ELMOD2: variants seen among roughly 807,000 people sequenced by gnomAD.
ELMOD2 encodes the protein ELMO domain-containing protein 2.
In ELMOD2, 28 loss-of-function variants were observed where a neutral mutation model predicts 41.0. That is an observed-to-expected ratio of 0.68 (90% CI 0.51 to 0.94). ELMOD2 has a LOEUF of 0.94. Ranked by LOEUF, ELMOD2 falls within the 40% of genes least tolerant of loss-of-function variation. The pLI is 0.00. For synonymous variants in ELMOD2, 106 were observed against 107.2 expected, an observed-to-expected ratio of 0.99 and a Z score of 0.07; for missense variants, 333 against 343.1, an observed-to-expected ratio of 0.97 and a Z score of 0.23.
intron 2 of ELMOD2, chr4:140,526,800 ATGGGT>A (rs1734577983): frequency 6.6e-6 from 1 of 152,246 alleles, no homozygotes; most frequent in South Asian, 2.1e-4. Flanking sequence ...TTCAGGCAGT[ATGGGT>A]TGGTGTTTTA....
At position 140,526,801 on chromosome 4, in the gene ELMOD2, T is replaced by C. The variant is rs2110815988; in HGVS notation, c.143-665T>C. 3 of 152,368 alleles carry C rather than the reference T, an allele frequency of 2.0e-5. No individual in the cohort carries two copies. In the East Asian group the frequency reaches 5.8e-4, roughly 29 times the overall value. The allele number at this position is 152,368 out of a possible 1,614,324, so 9.4% of individuals were successfully genotyped here. ...TGATAAGAAATCTCTTCAGGCAGTA[T>C]GGGTTGGTGTTTTATAGTGTGGGGG... On this transcript the variant is annotated intron_variant, in intron 2 of 8. Transcript: ENST00000323570.
rs944874280 is a variant in ELMOD2 at position 140,552,660 on chromosome 4, A to G, written c.*2285A>G. 1.3e-5 allele frequency: 2 copies of G among 152,134 alleles called. No homozygotes were observed. Among genetic ancestry groups the G allele is most frequent in the Non-Finnish European group, 2.9e-5 (2 of 67,972 alleles). The allele number at this position is 152,134 out of a possible 1,614,324, so 9.4% of individuals were successfully genotyped here. ...CATAGTCTTAAAATCCATATTTAGAATCTTACCTGTTTCTATAATAATTAG... is the reference window on the plus strand; with the variant it reads ...CATAGTCTTAAAATCCATATTTAGAGTCTTACCTGTTTCTATAATAATTAG... On this transcript the variant is annotated 3_prime_UTR_variant, in exon 9 of 9. Transcript: ENST00000323570.
intron 5 of ELMOD2, among the ~76,000 whole-genome samples, chr4:140,538,931 C>T (rs1735018800): frequency 6.6e-6 from 1 of 152,208 alleles, no homozygotes; most frequent in East Asian, 1.9e-4. Flanking sequence ...TACACTGTGG[C>T]TCTCACCACA....
chr4:140,543,453 G>A lies in ELMOD2; in HGVS notation c.603G>A (p.Gly201=). 6.3e-7 allele frequency: 1 copy of A among 1,592,156 alleles called. No individual in the cohort carries two copies. Residue 201 remains glycine, a splice_region_variant and synonymous_variant, in exon 8 of 9, where the codon GGG becomes GGA. Coordinates refer to ENST00000323570, the MANE Select transcript of ELMOD2 (RefSeq NM_153702.4). The part of the protein sequence containing the change: ...ILSRSNHPKL[G]YSYAIVGINL... Reference sequence around the variant, plus strand: ...ATAACTGGTAATGTTTCTGACATAGGTATTCTTATGCAATAGTTGGAATCA... The same window carrying A: ...ATAACTGGTAATGTTTCTGACATAGATATTCTTATGCAATAGTTGGAATCA...
At chr4:140,539,726 AAC>A (rs1172756395) in intron 5 of ELMOD2, among the ~76,000 whole-genome samples, 1 of 152,184 alleles carries the variant, frequency 6.6e-6, no homozygotes, top group Non-Finnish European at 1.5e-5. Flanking sequence ...AAATTTGTAA[AAC>A]AAGTTGGAAT....
rs888391740 is a variant in ELMOD2 at position 140,524,709 on chromosome 4, T to C, written c.-10+429T>C. 4.2e-6 allele frequency: 4 copies of C among 958,000 alleles called. No homozygotes were observed. In the African/African-American group the frequency reaches 7.1e-5, roughly 17 times the overall value. 59.3% of individuals were successfully genotyped at this position (958,000 alleles called of 1,614,324 possible). A position where few individuals can be genotyped will look rare whatever the true frequency, so the allele number is the denominator to read the frequency against. The stretch of plus-strand genomic sequence containing the variant: ...TAAGGCAGGAAGGAGACGAGCAATT[T>C]TGTTTTTAAGTATCTCCCTCTCACT... On this transcript the variant is annotated intron_variant, in intron 1 of 8. Coordinates refer to ENST00000323570, the MANE Select transcript of ELMOD2 (RefSeq NM_153702.4).
chr4:140,533,967 T>C (rs1028745090), intron 3 of ELMOD2, among the ~76,000 whole-genome samples: 2 of 152,156 alleles, frequency 1.3e-5, no homozygotes, highest in African/African-American at 4.8e-5. Flanking sequence ...ACAACACTAA[T>C]GTTGGAAACA....
intron 3 of ELMOD2, among the ~76,000 whole-genome samples, chr4:140,530,038 G>C (rs139808604): frequency 4.3e-4 from 65 of 152,288 alleles, no homozygotes; most frequent in African/African-American, 1.5e-3. Flanking sequence ...GAATGAATAA[G>C]TGAGAAAAAT....
At chr4:140,539,415 G>T (rs1253942452) in intron 5 of ELMOD2, among the ~76,000 whole-genome samples, 1 of 151,182 alleles carries the variant, frequency 6.6e-6, no homozygotes, top group Non-Finnish European at 1.5e-5. Context: ...AGGCTGGAGT[G>T]CAGTGGCGCC....
At chr4:140,541,723 C>T (rs961511858) in intron 6 of ELMOD2, among the ~76,000 whole-genome samples, 1 of 151,992 alleles carries the variant, frequency 6.6e-6, no homozygotes, top group Non-Finnish European at 1.5e-5. Context: ...CATAAATTAT[C>T]ATTAATTCAT....
rs142450830 is a variant in ELMOD2 at position 140,540,196 on chromosome 4, A to C, written c.428A>C (p.Lys143Thr). The C allele has an allele frequency of 1.8e-3, 2,945 of 1,614,188 alleles. 33 individuals carry two copies. The East Asian group carries it at 0.019, about 10-fold the overall frequency. ...TGGAATCTTCTAATGCCCACGAAGA[A>C]GTTAAACGCTAGAATCTCCAAGCAG... ...KLWNLLMPTK[K>T]LNARISKQWA... Residue 143 changes from lysine (K) to threonine (T), a missense_variant, in exon 6 of 9, where the codon AAG becomes ACG. By Grantham distance (78) the Lys-to-Thr change is moderately conservative. Transcript: ENST00000323570.
intron 3 of ELMOD2, among the ~76,000 whole-genome samples, chr4:140,529,747 T>C (rs1378521595): frequency 6.6e-6 from 1 of 152,224 alleles, no homozygotes; most frequent in Non-Finnish European, 1.5e-5. Context: ...TTCCTCATTT[T>C]CAGGTTTTTC....
At chr4:140,524,582 A>C (rs988995260) in intron 1 of ELMOD2, 3 of 985,408 alleles carry the variant, frequency 3.0e-6, no homozygotes, top group Non-Finnish European at 3.6e-6. Flanking sequence ...TGATCAACCC[A>C]GCTGTGCTAT....
chr4:140,535,137 T>TC lies in ELMOD2; in HGVS notation c.172-596_172-595insC, dbSNP rs1560827004. ...CTTTTCTCTGGGGAAATCTGTTTCT[T>TC]TCTCTCTCTCTCTCTCTCTCTCTCT... On this transcript the variant is annotated intron_variant, in intron 3 of 8. Coordinates refer to ENST00000323570, the MANE Select transcript of ELMOD2 (RefSeq NM_153702.4). Among the ~76,000 whole-genome samples the TC allele has an allele frequency of 7.8e-3, 1,101 of 141,482 alleles. 13 individuals are homozygous for TC. The highest frequency in any genetic ancestry group is 0.027 in the East Asian group (134 of 4,896). 92.8% of individuals were successfully genotyped at this position (141,482 alleles called of 152,430 possible).
chr4:140,542,372 A>G (rs1735133840), intron 6 of ELMOD2: 2 of 396,528 alleles, frequency 5.0e-6, no homozygotes, highest in Admixed American at 8.6e-5. Context: ...AATGACCTAT[A>G]TTCTGTACTA....
intron 5 of ELMOD2, 53 bp downstream of exon 5, chr4:140,537,594 A>G: frequency 6.3e-7 from 1 of 1,579,952 alleles, no homozygotes; most frequent in South Asian, 1.2e-5. Context: ...AAAATAAATC[A>G]GGCTTCAGCT....
chr4:140,545,082 A>G (rs143757113), intron 8 of ELMOD2, among the ~76,000 whole-genome samples: 65 of 152,044 alleles, frequency 4.3e-4, no homozygotes, highest in African/African-American at 1.5e-3. Context: ...ATCTAATTCC[A>G]ATTTAGTTTC....
At chr4:140,544,837 G>C (rs191805445) in intron 8 of ELMOD2, among the ~76,000 whole-genome samples, 1 of 151,978 alleles carries the variant, frequency 6.6e-6, no homozygotes, top group African/African-American at 2.4e-5. Context: ...CAGTTTAGAC[G>C]TGCTCTTCTC....
At chr4:140,543,668 T>G in intron 8 of ELMOD2, 82 bp downstream of exon 8, 1 of 1,090,150 alleles carries the variant, frequency 9.2e-7, no homozygotes, top group Non-Finnish European at 1.2e-6. Context: ...TATTTTAATC[T>G]GTTGTCTCTG....
Sources: allele counts gnomAD v4.1 joint callset (sites outside exome capture counted in the v4.1 genomes callset), GRCh38; gene constraint gnomAD v4.1.1; transcripts MANE v1.5; gene names NCBI Gene and HGNC (gene_info 2026-07-23, HGNC 2026-07-21).